The following MAP2K4 variants were observed in gnomAD, a reference collection of about 807,000 sequenced individuals.
MAP2K4 encodes the protein dual specificity mitogen-activated protein kinase kinase 4.
Under a neutral mutation model 48.5 loss-of-function variants are expected in MAP2K4, and 4 were observed. That is an observed-to-expected ratio of 0.08 (90% CI 0.04 to 0.19). The LOEUF (loss-of-function observed/expected upper bound fraction) is 0.19. Among genes scored for constraint, MAP2K4 ranks in the 10% least tolerant of loss-of-function variants. The pLI, the probability that MAP2K4 is intolerant of heterozygous loss-of-function variation, is 1.00. For missense variants in MAP2K4, 258 were observed against 493.3 expected, an observed-to-expected ratio of 0.52 and a Z score of 4.52; for synonymous variants, 166 against 173.1, an observed-to-expected ratio of 0.96 and a Z score of 0.32.
At chr17:12,129,323 G>A in intron 9 of MAP2K4, 36 bp downstream of exon 9, 1 of 1,613,670 alleles carries the variant, frequency 6.2e-7, no homozygotes, top group East Asian at 2.2e-5. Flanking sequence ...GAACACGCAT[G>A]GCGAGAATAG....
At chr17:12,114,234 G>C (rs1972404423) in intron 7 of MAP2K4, among the ~76,000 whole-genome samples, 1 of 152,160 alleles carries the variant, frequency 6.6e-6, no homozygotes, top group African/African-American at 2.4e-5. Flanking sequence ...AAAAAAGTAA[G>C]AGTCACAGGC....
intron 4 of MAP2K4, among the ~76,000 whole-genome samples, chr17:12,101,542 G>A (rs1017257007): frequency 4.0e-5 from 6 of 151,746 alleles, no homozygotes; most frequent in East Asian, 1.9e-4. Context: ...CAAAAAACCC[G>A]AAAAAAACCA....
At chr17:12,121,815 G>A (rs1972702438) in intron 7 of MAP2K4, among the ~76,000 whole-genome samples, 1 of 152,042 alleles carries the variant, frequency 6.6e-6, no homozygotes, top group Non-Finnish European at 1.5e-5. Flanking sequence ...ACATTGCAAA[G>A]CACATAATGG....
At chr17:12,090,603 C>T (rs1244528481) in intron 3 of MAP2K4, among the ~76,000 whole-genome samples, 1 of 152,108 alleles carries the variant, frequency 6.6e-6, no homozygotes, top group African/African-American at 2.4e-5. Context: ...CTAACCTTAC[C>T]CCTTAATAGC....
Position 12,107,923 on chromosome 17 carries a change from C to A in MAP2K4, c.633+14C>A. 1.3e-6 allele frequency: 2 copies of A among 1,575,632 alleles called. No homozygotes were observed. The highest frequency in any genetic ancestry group is 2.3e-5 in the East Asian group (1 of 43,660). ...ATCACTTTAGCAGTAAGTACCTGGT[C>A]TTTAAATTATTCATTGTGTATATAG... On this transcript the variant is annotated intron_variant, in intron 5 of 10. Transcript: ENST00000353533.
intron 3 of MAP2K4, among the ~76,000 whole-genome samples, chr17:12,083,014 G>C (rs1971242785): frequency 6.6e-6 from 1 of 152,192 alleles, no homozygotes; most frequent in Admixed American, 6.5e-5. Flanking sequence ...GTTTTAGTTG[G>C]CTGGATCTTA....
chr17:12,113,157 A>T, intron 6 of MAP2K4, 76 bp from the exon 7 acceptor site: 2 of 1,424,074 alleles, frequency 1.4e-6, no homozygotes, highest in Admixed American at 1.9e-5. Flanking sequence ...GTTTTTCAAT[A>T]TTTTTGCTTA....
intron 9 of MAP2K4, 68 bp downstream of exon 9, chr17:12,129,355 A>G (rs1972956646): frequency 3.8e-6 from 6 of 1,587,490 alleles, no homozygotes; most frequent in Admixed American, 3.3e-5. Context: ...TGGTCTTAGC[A>G]GCATTGGTAC....
intron 4 of MAP2K4, among the ~76,000 whole-genome samples, chr17:12,104,429 C>T (rs1972040729): frequency 6.6e-6 from 1 of 151,946 alleles, no homozygotes; most frequent in Non-Finnish European, 1.5e-5. Context: ...TCACAGATCT[C>T]CTTTTACCTG....
Position 12,054,874 on chromosome 17 carries a change from T to A in MAP2K4, c.116-15T>A. Reference sequence around the variant, plus strand: ...TAGTACTTGAAACTTTTACTTTTTATTTGTTATTTCTCAGGTAAACGCAAA... The same window carrying A: ...TAGTACTTGAAACTTTTACTTTTTAATTGTTATTTCTCAGGTAAACGCAAA... On this transcript the variant is annotated splice_polypyrimidine_tract_variant and intron_variant, in intron 1 of 10. Coordinates refer to ENST00000353533, the MANE Select transcript of MAP2K4 (RefSeq NM_003010.4). 1 of 1,564,426 alleles carries A rather than the reference T, an allele frequency of 6.4e-7. No individual in the cohort carries two copies. Among genetic ancestry groups the A allele is most frequent in the Non-Finnish European group, 8.8e-7 (1 of 1,136,406 alleles).
At chr17:12,075,922 A>G (rs923788611) in intron 2 of MAP2K4, among the ~76,000 whole-genome samples, 1 of 152,232 alleles carries the variant, frequency 6.6e-6, no homozygotes, top group African/African-American at 2.4e-5. Flanking sequence ...AATTGTTAAT[A>G]GTGGTTTTTT....
intron 7 of MAP2K4, among the ~76,000 whole-genome samples, chr17:12,120,537 C>CA (rs1567670098): frequency 7.4e-6 from 1 of 135,582 alleles, no homozygotes; most frequent in Non-Finnish European, 1.6e-5. Flanking sequence ...CCCTCATTCC[C>CA]CCCCCCATAA....
At chr17:12,033,029 T>G (rs1597395750) in intron 1 of MAP2K4, among the ~76,000 whole-genome samples, 1 of 152,086 alleles carries the variant, frequency 6.6e-6, no homozygotes, top group Non-Finnish European at 1.5e-5. Flanking sequence ...AGAGACAGGG[T>G]CTCACTTTGT....
chr17:12,074,077 T>C (rs1398761554), intron 2 of MAP2K4, among the ~76,000 whole-genome samples: 1 of 152,104 alleles, frequency 6.6e-6, no homozygotes, highest in Non-Finnish European at 1.5e-5. Context: ...TGGCCTCTTG[T>C]TGTAGTTTTT....
At chr17:12,116,036 A>G (rs1351833808) in intron 7 of MAP2K4, among the ~76,000 whole-genome samples, 2 of 152,222 alleles carry the variant, frequency 1.3e-5, no homozygotes, top group Non-Finnish European at 2.9e-5. Context: ...GCACTGTTAC[A>G]TGAACTGTGC....
In MAP2K4 at chr17:12,032,224, G is replaced by T. The variant is rs1185585748; in HGVS notation, c.115+11223G>T. Reference sequence around the variant, plus strand: ...GTCATGTTCCAATTTTGGTTTGTTTGATTTACAGTAAATGAACTGGAACTT... The same window carrying T: ...GTCATGTTCCAATTTTGGTTTGTTTTATTTACAGTAAATGAACTGGAACTT... On this transcript the variant is annotated intron_variant, in intron 1 of 10. Coordinates refer to ENST00000353533, the MANE Select transcript of MAP2K4 (RefSeq NM_003010.4). 21 of 1,206,946 alleles carry T rather than the reference G, an allele frequency of 1.7e-5. No homozygotes were observed. The South Asian group carries it at 3.2e-4, about 18-fold the overall frequency. 74.8% of individuals were successfully genotyped at this position (1,206,946 alleles called of 1,614,324 possible). A position where few individuals can be genotyped will look rare whatever the true frequency, so the allele number is the denominator to read the frequency against.
At chr17:12,071,191 C>T (rs572901281) in intron 2 of MAP2K4, among the ~76,000 whole-genome samples, 13 of 152,240 alleles carry the variant, frequency 8.5e-5, no homozygotes, top group South Asian at 4.1e-4. Context: ...TAATTTTATC[C>T]GTAAAGATAG....
chr17:12,096,866 C>T (rs760645960), intron 4 of MAP2K4, among the ~76,000 whole-genome samples: 10 of 152,158 alleles, frequency 6.6e-5, no homozygotes, highest in Non-Finnish European at 1.2e-4. Context: ...TGCTTCATGA[C>T]AGAGCCCATT....
At chr17:12,111,886 T>G (rs1435150087) in intron 6 of MAP2K4, among the ~76,000 whole-genome samples, 1 of 152,008 alleles carries the variant, frequency 6.6e-6, no homozygotes, top group Non-Finnish European at 1.5e-5. Flanking sequence ...GTCCTCAGGG[T>G]AGTAACAACT....
Sources: gnomAD v4.1 joint callset for allele counts (sites outside exome capture counted in the v4.1 genomes callset) on GRCh38, gnomAD v4.1.1 for gene constraint, MANE v1.5 for transcripts, NCBI Gene and HGNC (gene_info 2026-07-23, HGNC 2026-07-21) for gene names.